CRP: variants seen among roughly 807,000 people sequenced by gnomAD.
CRP encodes the protein C-reactive protein, pentraxin-related.
A neutral mutation model predicts 3.0 loss-of-function variants in CRP; 6 were observed. The observed-to-expected ratio is 2.02, with a 90% confidence interval of 1.11 to 3.99. The LOEUF is 3.99. CRP is among the 30% of genes most tolerant of loss of function. The pLI is 0.00. For missense variants in CRP, 297 were observed against 271.0 expected (o/e 1.10, Z -0.67); for synonymous variants, 130 against 111.0 (o/e 1.17, Z -1.08).
In CRP at chr1:159,713,629, T is replaced by G. The variant is rs779780988; in HGVS notation, c.571A>C (p.Thr191Pro). Residue 191 changes from threonine (T) to proline (P), a missense_variant, in exon 2 of 2, where the codon ACC (threonine) becomes CCC (proline). Thr to Pro is a conservative substitution (Grantham distance 38). Coordinates refer to ENST00000255030, the MANE Select transcript of CRP (RefSeq NM_000567.3). Reference sequence around the variant, plus strand: ...CTGAAGGGCCCGCCAAGATAGATGGTGTTAATCTCATCTGGTGACAGCACA... The same window carrying G: ...CTGAAGGGCCCGCCAAGATAGATGGGGTTAATCTCATCTGGTGACAGCACA... Reference protein sequence around the residue: ...DFVLSPDEINTIYLGGPFSPN... With the variant: ...DFVLSPDEINPIYLGGPFSPN... 6.2e-7 allele frequency: 1 copy of G among 1,614,168 alleles called. No homozygotes were observed. Among genetic ancestry groups the G allele is most frequent in the Non-Finnish European group, 8.5e-7 (1 of 1,180,034 alleles).
chr1:159,713,195 G>A lies in CRP; in HGVS notation c.*330C>T, dbSNP rs1660719045. The A allele has an allele frequency of 4.5e-6, 1 of 224,192 alleles. No individual in the cohort carries two copies. The highest frequency in any genetic ancestry group is 5.0e-5 in the Admixed American group (1 of 19,804). 13.9% of individuals were successfully genotyped at this position (224,192 alleles called of 1,614,324 possible). A position where few individuals can be genotyped will look rare whatever the true frequency, so the allele number is the denominator to read the frequency against. Reference sequence around the variant, plus strand: ...TTTATAACATCATTTCTCCTTTCTGGGTGTTAGTTTTCTCATCTATGTGAG... The same window carrying A: ...TTTATAACATCATTTCTCCTTTCTGAGTGTTAGTTTTCTCATCTATGTGAG... On this transcript the variant is annotated 3_prime_UTR_variant, in exon 2 of 2. Transcript: ENST00000255030.
At position 159,714,096 on chromosome 1, in the gene CRP, G is replaced by A. The variant is rs757801362; in HGVS notation, c.104C>T (p.Thr35Ile). 5.0e-6 allele frequency: 8 copies of A among 1,612,972 alleles called. No homozygotes were observed. The highest frequency in any genetic ancestry group is 6.8e-6 in the Non-Finnish European group (8 of 1,179,992). Residue 35 changes from threonine to isoleucine, a missense_variant, in exon 2 of 2, where the codon ACT becomes ATT. Physicochemically the swap from Thr to Ile is moderately conservative, Grantham distance 89. Transcript: ENST00000255030. ...CGGTGCTTTGAGGGATACATAGGAA[G>A]TATCCGACTCTTTGGGAAACACAAA... ...KAFVFPKESD[T>I]SYVSLKAPLT... is the part of the protein sequence containing the mutation.
Position 159,714,575 on chromosome 1 carries a change from T to C in CRP, c.-90A>G, listed in dbSNP as rs543234081. 5.1e-4 allele frequency: 726 copies of C among 1,415,814 alleles called. No homozygotes were observed. The highest frequency in any genetic ancestry group is 6.6e-4 in the Non-Finnish European group (671 of 1,013,400). The allele number at this position is 1,415,814 out of a possible 1,614,324, so 87.7% of individuals were successfully genotyped here. On this transcript the variant is annotated 5_prime_UTR_variant, in exon 1 of 2. Coordinates refer to ENST00000255030, the MANE Select transcript of CRP (RefSeq NM_000567.3). ...CTGAAAGTTCAGGGGCTAGAAGTCC[T>C]AGATCTCTTGCCTTAGAGCTACCTC...
In CRP at chr1:159,714,154, A is replaced by G; in HGVS notation, c.62-16T>C. 6.3e-7 allele frequency: 1 copy of G among 1,598,968 alleles called. No individual in the cohort carries two copies. The highest frequency in any genetic ancestry group is 1.1e-5 in the South Asian group (1 of 89,816). ...CTCGACATGTCTGTGAGCCAGAAAA[A>G]CAAGCAAATGTGAGAGGTTTCTCAG... On this transcript the variant is annotated splice_polypyrimidine_tract_variant and intron_variant, in intron 1 of 1. Transcript: ENST00000255030.
In CRP at chr1:159,713,564, C is replaced by A. The variant is rs978798116; in HGVS notation, c.636G>T (p.Val212=). The A allele has an allele frequency of 1.2e-6, 2 of 1,613,834 alleles. No homozygotes were observed. Among genetic ancestry groups the A allele is most frequent in the Non-Finnish European group, 1.7e-6 (2 of 1,180,002 alleles). The change falls in exon 2 of 2, where the codon GTG becomes GTT. Residue 212 remains valine (V), a synonymous_variant. Coordinates refer to ENST00000255030, the MANE Select transcript of CRP (RefSeq NM_000567.3). ...GGGGTTTGGTGAACACTTCGCCTTG[C>A]ACTTCATACTTCAGTGCCCGCCAGT... ...VLNWRALKYE[V]QGEVFTKPQL... is the part of the protein sequence containing the mutation.
At position 159,713,822 on chromosome 1, in the gene CRP, C is replaced by T. The variant is rs752681042; in HGVS notation, c.378G>A (p.Glu126=). 3.7e-6 allele frequency: 6 copies of T among 1,614,058 alleles called. No homozygotes were observed. The East Asian group carries it at 8.9e-5, about 24-fold the overall frequency. ...TSWESASGIV[E]FWVDGKPRVR... ...CCCTGGGCTTCCCATCTACCCAGAA[C>T]TCCACGATCCCTGAGGCGGACTCCC... The change falls in exon 2 of 2, where the codon GAG becomes GAA. Residue 126 remains glutamate (E), a synonymous_variant. Transcript: ENST00000255030.
At chr1:159,714,375 A>G (rs1416655800) in intron 1 of CRP, 50 bp downstream of exon 1, 1 of 1,470,228 alleles carries the variant, frequency 6.8e-7, no homozygotes, top group Non-Finnish European at 9.3e-7. Flanking sequence ...CTTAGACCCC[A>G]CCCCCATACC....
Position 159,714,038 on chromosome 1 carries a change from G to T in CRP, c.162C>A (p.Cys54Ter). 6.2e-7 allele frequency: 1 copy of T among 1,613,456 alleles called. No homozygotes were observed. Among genetic ancestry groups the T allele is most frequent in the East Asian group, 2.2e-5 (1 of 44,874 alleles). ...LTKPLKAFTV[C>*]LHFYTELSST... ...AGGACAGTTCCGTGTAGAAGTGGAGGCACACAGTGAAGGCTTTGAGAGGCT... is the reference window on the plus strand; with the variant it reads ...AGGACAGTTCCGTGTAGAAGTGGAGTCACACAGTGAAGGCTTTGAGAGGCT... The change falls in exon 2 of 2, where the codon TGC becomes TGA. Residue 54 changes from cysteine (C) to a stop codon, truncating the protein, a stop_gained. Transcript: ENST00000255030. LOFTEE classifies it low-confidence loss of function (END_TRUNC).
rs377014561 is a variant in CRP, at chr1:159,713,540, G to A, written c.660C>T (p.Pro220=). 1 of 1,610,828 alleles carries A rather than the reference G, an allele frequency of 6.2e-7. No individual in the cohort carries two copies. The highest frequency in any genetic ancestry group is 8.5e-7 in the Non-Finnish European group (1 of 1,178,242). Residue 220 remains proline (P), a synonymous_variant, in exon 2 of 2, where the codon CCC becomes CCT. Transcript: ENST00000255030. Reference sequence around the variant, plus strand: ...CAGCTGGGCCTCAGGGCCACAGCTGGGGTTTGGTGAACACTTCGCCTTGCA... The same window carrying A: ...CAGCTGGGCCTCAGGGCCACAGCTGAGGTTTGGTGAACACTTCGCCTTGCA... ...YEVQGEVFTK[P]QLWP
rs762375135 is a variant in CRP, at chr1:159,713,771, G to A, written c.429C>T (p.Tyr143=). Residue 143 remains tyrosine (Y), a synonymous_variant, in exon 2 of 2, where the codon TAC becomes TAT. Transcript: ENST00000255030. ...PRVRKSLKKG[Y]TVGAEASIIL... is the part of the protein sequence containing the mutation. ...TGATGCTTGCTTCTGCCCCCACAGT[G>A]TATCCCTTCTTCAGACTCTTCCTCA... is the stretch of plus-strand genomic sequence containing the variant. 8 of 1,614,122 alleles carry A rather than the reference G, an allele frequency of 5.0e-6. No homozygotes were observed. The South Asian group carries it at 5.5e-5, about 11-fold the overall frequency.
Position 159,713,832 on chromosome 1 carries a change from C to A in CRP, c.368G>T (p.Gly123Val). Reference sequence around the variant, plus strand: ...CCCATCTACCCAGAACTCCACGATCCCTGAGGCGGACTCCCAGCTTGTACA... The same window carrying A: ...CCCATCTACCCAGAACTCCACGATCACTGAGGCGGACTCCCAGCTTGTACA... ...HICTSWESAS[G>V]IVEFWVDGKP... The change falls in exon 2 of 2, where the codon GGG becomes GTG. Residue 123 changes from glycine (G) to valine (V), a missense_variant. By Grantham distance (109) the Gly-to-Val change is moderately radical. Transcript: ENST00000255030. 6.2e-7 allele frequency: 1 copy of A among 1,614,164 alleles called. No homozygotes were observed.
chr1:159,714,276 C>A, intron 1 of CRP, 138 bp from the exon 2 acceptor site: 1 of 1,062,568 alleles, frequency 9.4e-7, no homozygotes, highest in Non-Finnish European at 1.4e-6. Flanking sequence ...CACACACACA[C>A]ACACACACAC....
chr1:159,714,575 T>A lies in CRP; in HGVS notation c.-90A>T. The A allele has an allele frequency of 7.1e-7, 1 of 1,415,932 alleles. No homozygotes were observed. Among genetic ancestry groups the A allele is most frequent in the Non-Finnish European group, 9.9e-7 (1 of 1,013,392 alleles). 87.7% of individuals were successfully genotyped at this position (1,415,932 alleles called of 1,614,324 possible). On this transcript the variant is annotated 5_prime_UTR_variant, in exon 1 of 2. Transcript: ENST00000255030. ...CTGAAAGTTCAGGGGCTAGAAGTCC[T>A]AGATCTCTTGCCTTAGAGCTACCTC... is the stretch of plus-strand genomic sequence containing the variant.
In CRP at chr1:159,714,086, T is replaced by C. The variant is rs370716776; in HGVS notation, c.114A>G (p.Val38=). ...GCTTCGTTAACGGTGCTTTGAGGGA[T>C]ACATAGGAAGTATCCGACTCTTTGG... ...VFPKESDTSY[V]SLKAPLTKPL... Residue 38 remains valine (V), a synonymous_variant, in exon 2 of 2, where the codon GTA becomes GTG. Transcript: ENST00000255030. The C allele has an allele frequency of 1.6e-4, 251 of 1,613,248 alleles. 3 individuals carry two copies. The South Asian group carries it at 1.7e-3, about 11-fold the overall frequency.
Position 159,714,282 on chromosome 1 carries a change from C to T in CRP, c.61+143G>A, listed in dbSNP as rs1307845740. 5.4e-6 allele frequency: 6 copies of T among 1,101,836 alleles called. No homozygotes were observed. In the East Asian group the frequency reaches 1.0e-4, roughly 18 times the overall value. 68.3% of individuals were successfully genotyped at this position (1,101,836 alleles called of 1,614,324 possible). A position where few individuals can be genotyped will look rare whatever the true frequency, so the allele number is the denominator to read the frequency against. Reference sequence around the variant, plus strand: ...CCACACACACACACACACACACACACACACACACACACACCATGAAGGATG... The same window carrying T: ...CCACACACACACACACACACACACATACACACACACACACCATGAAGGATG... On this transcript the variant is annotated intron_variant, in intron 1 of 1. Coordinates refer to ENST00000255030, the MANE Select transcript of CRP (RefSeq NM_000567.3).
chr1:159,713,390 A>G lies in CRP; in HGVS notation c.*135T>C, dbSNP rs1660725387. The G allele has an allele frequency of 2.0e-5, 24 of 1,189,254 alleles. No homozygotes were observed. The South Asian group carries it at 3.6e-4, about 18-fold the overall frequency. The allele number at this position is 1,189,254 out of a possible 1,614,324, so 73.7% of individuals were successfully genotyped here. On this transcript the variant is annotated 3_prime_UTR_variant, in exon 2 of 2. Coordinates refer to ENST00000255030, the MANE Select transcript of CRP (RefSeq NM_000567.3). ...AGGGTGGAGCAGGCCTGCAATGCAT[A>G]TAGGGGAACAAAGGCCCAGAGACAG...
intron 1 of CRP, 74 bp downstream of exon 1, chr1:159,714,351 A>G: frequency 8.3e-7 from 1 of 1,205,194 alleles, no homozygotes; most frequent in Non-Finnish European, 1.2e-6. Context: ...TTTTTTTGAG[A>G]CTGTTCATGC....
Position 159,714,147 on chromosome 1 carries a change from C to A in CRP, c.62-9G>T. ...AGCCTTCCTCGACATGTCTGTGAGC[C>A]AGAAAAACAAGCAAATGTGAGAGGT... On this transcript the variant is annotated splice_polypyrimidine_tract_variant and intron_variant, in intron 1 of 1. Coordinates refer to ENST00000255030, the MANE Select transcript of CRP (RefSeq NM_000567.3). The A allele has an allele frequency of 6.2e-7, 1 of 1,600,862 alleles. No homozygotes were observed. The highest frequency in any genetic ancestry group is 8.5e-7 in the Non-Finnish European group (1 of 1,176,242).
Position 159,713,477 on chromosome 1 carries a change from A to G in CRP, c.*48T>C, listed in dbSNP as rs745468814. ...TACCAGAGACAGAGACGTGGGGCCC[A>G]TGCGGTGTAAAAAACCGGGAGGTAC... is the stretch of plus-strand genomic sequence containing the variant. On this transcript the variant is annotated 3_prime_UTR_variant, in exon 2 of 2. Transcript: ENST00000255030. The G allele has an allele frequency of 1.3e-6, 2 of 1,561,064 alleles. No homozygotes were observed. Among genetic ancestry groups the G allele is most frequent in the East Asian group, 2.2e-5 (1 of 44,542 alleles).
Sources: allele counts gnomAD v4.1 joint callset, GRCh38; gene constraint gnomAD v4.1.1; transcripts MANE v1.5; gene names NCBI Gene and HGNC (gene_info 2026-07-23, HGNC 2026-07-21).